The following PWWP3A variants were observed in gnomAD, a reference collection of about 807,000 sequenced individuals.
PWWP3A encodes the protein PWWP domain containing 3A, DNA repair factor.
A neutral mutation model predicts 79.0 loss-of-function variants in PWWP3A; 53 were observed. That is an observed-to-expected ratio of 0.67 (90% CI 0.54 to 0.84). PWWP3A has a LOEUF of 0.84. Ranked by LOEUF, PWWP3A falls within the 40% of genes least tolerant of loss-of-function variation. The pLI, the probability that PWWP3A is intolerant of heterozygous loss-of-function variation, is 0.00. For synonymous variants in PWWP3A, 443 were observed against 394.4 expected (o/e 1.12, Z -1.46); for missense variants, 973 against 948.0 (o/e 1.03, Z -0.35).
chr19:1,370,617 CCCA>C (rs2082232561), intron 11 of PWWP3A, 22 bp from the exon 12 acceptor site: 1 of 1,444,432 alleles, frequency 6.9e-7, no homozygotes, highest in African/African-American at 1.4e-5. Flanking sequence ...ACGCGCTGGT[CCCA>C]CGACAGGTGC....
Position 1,360,846 on chromosome 19 carries a change from C to A in PWWP3A, c.925C>A (p.Gln309Lys). The A allele has an allele frequency of 1.3e-6, 2 of 1,551,738 alleles. No individual in the cohort carries two copies. The highest frequency in any genetic ancestry group is 1.2e-5 in the South Asian group (1 of 84,436). ...AAAGAGGCCGCGCCTGGATGGCAGC[C>A]AAAGGCCGCCTGCCGTGCAGCTGGA... ...AKKRPRLDGS[Q>K]RPPAVQLEPM... The change falls in exon 5 of 14, where the codon CAA (glutamine) becomes AAA (lysine). Residue 309 changes from glutamine to lysine, a missense_variant. Transcript: ENST00000591337. This position sits in a 1 kb window ranked among gnomAD's most constrained non-coding sequence, Gnocchi z 4.4.
At chr19:1,371,557 G>A (rs944375091) in intron 12 of PWWP3A, 3 of 608,434 alleles carry the variant, frequency 4.9e-6, no homozygotes, top group Non-Finnish European at 8.8e-6. Context: ...CTGTGATTTC[G>A]AACTTCAGCT....
chr19:1,364,219 T>A (rs1165920219), intron 6 of PWWP3A: 9 of 588,974 alleles, frequency 1.5e-5, no homozygotes, highest in Non-Finnish European at 2.9e-5. Context: ...CAGCCGCCCC[T>A]CGTGGCACCC....
At chr19:1,362,577 G>GC (rs1178848066) in intron 6 of PWWP3A, among the ~76,000 whole-genome samples, 2 of 152,162 alleles carry the variant, frequency 1.3e-5, no homozygotes, top group African/African-American at 4.8e-5. Flanking sequence ...GGAAGAGACG[G>GC]CCCAGCCCTC....
At chr19:1,373,613 T>G (rs571531936) in intron 13 of PWWP3A, 1 of 162,274 alleles carries the variant, frequency 6.2e-6, no homozygotes, top group Non-Finnish European at 1.3e-5. Context: ...CCTTGGATGT[T>G]TGGCCCCCAG....
chr19:1,367,018 G>A, intron 8 of PWWP3A, 142 bp from the exon 9 acceptor site: 3 of 648,668 alleles, frequency 4.6e-6, no homozygotes, highest in Non-Finnish European at 8.1e-6. Flanking sequence ...TGGCAGCTGG[G>A]GAAACGGTCA....
chr19:1,358,433 G>T lies in PWWP3A; in HGVS notation c.183G>T (p.Lys61Asn). The T allele has an allele frequency of 1.2e-6, 2 of 1,614,110 alleles. No individual in the cohort carries two copies. Among genetic ancestry groups the T allele is most frequent in the Admixed American group, 1.7e-5 (1 of 60,000 alleles). The change falls in exon 4 of 14, where the codon AAG (lysine) becomes AAT (asparagine). Residue 61 changes from lysine (K) to asparagine (N), a missense_variant. Coordinates refer to ENST00000591337, the MANE Select transcript of PWWP3A (RefSeq NM_001369789.1). Reference protein sequence around the residue: ...VKSTEVEILEKSQIEAIASSL... With the variant: ...VKSTEVEILENSQIEAIASSL... ...GCACTGAAGTTGAGATCCTAGAGAA[G>T]TCTCAAATTGAAGCCATTGCTTCCT...
Position 1,360,937 on chromosome 19 carries a change from C to G in PWWP3A, c.1016C>G (p.Pro339Arg), listed in dbSNP as rs1017482829. 2 of 1,513,128 alleles carry G rather than the reference C, an allele frequency of 1.3e-6. No individual in the cohort carries two copies. The highest frequency in any genetic ancestry group is 2.8e-5 in the African/African-American group (2 of 71,334). The allele number at this position is 1,513,128 out of a possible 1,614,324, so 93.7% of individuals were successfully genotyped here. A position where few individuals can be genotyped will look rare whatever the true frequency, so the allele number is the denominator to read the frequency against. ...PGPGPRESVT[P>R]RSTARLGPPP... ...CCAGGGCCCAGAGAGTCTGTGACCC[C>G]GCGCAGCACCGCCAGGCTGGGCCCG... is the stretch of plus-strand genomic sequence containing the variant. Residue 339 changes from proline (P) to arginine (R), a missense_variant, in exon 5 of 14, where the codon CCG (proline) becomes CGG (arginine). Transcript: ENST00000591337. This position sits in a 1 kb window ranked among gnomAD's most constrained non-coding sequence, Gnocchi z 4.4.
intron 6 of PWWP3A, among the ~76,000 whole-genome samples, chr19:1,362,742 TG>T (rs978404990): frequency 1.3e-5 from 2 of 152,206 alleles, no homozygotes; most frequent in Non-Finnish European, 1.5e-5. Flanking sequence ...TGATGGCGTT[TG>T]GGGGGCTGTC....
intron 12 of PWWP3A, chr19:1,372,805 C>A: frequency 2.5e-6 from 1 of 392,670 alleles, no homozygotes; most frequent in Middle Eastern, 6.8e-4. Context: ...GAGAAATGCT[C>A]TTGTGGGTTT....
At chr19:1,375,351 T>C (rs1453100808) in intron 13 of PWWP3A, among the ~76,000 whole-genome samples, 2 of 147,264 alleles carry the variant, frequency 1.4e-5, no homozygotes, top group Non-Finnish European at 3.0e-5. Flanking sequence ...CCGAACTTCA[T>C]CTTTCCAAAC....
At position 1,377,766 on chromosome 19, in the gene PWWP3A, A is replaced by ACTGG. The variant is rs1314505958; in HGVS notation, c.*1195_*1198dup. The ACTGG allele has an allele frequency of 6.6e-6, 1 of 152,236 alleles. No homozygotes were observed. Among genetic ancestry groups the ACTGG allele is most frequent in the Non-Finnish European group, 1.5e-5 (1 of 68,160 alleles). 9.4% of individuals were successfully genotyped at this position (152,236 alleles called of 1,614,324 possible). The stretch of plus-strand genomic sequence containing the variant: ...GTGGCCTGGGAGCTGCTTTCTCCCC[A>ACTGG]CTGGCTGGGCTGCATCTGGCCCTGG... On this transcript the variant is annotated 3_prime_UTR_variant, in exon 14 of 14. Coordinates refer to ENST00000591337, the MANE Select transcript of PWWP3A (RefSeq NM_001369789.1).
At chr19:1,372,206 T>A (rs960896018) in intron 12 of PWWP3A, 1 of 152,342 alleles carries the variant, frequency 6.6e-6, no homozygotes, top group Non-Finnish European at 1.5e-5. Context: ...CATCTGTGCT[T>A]GTCACAGCTA....
At chr19:1,358,562 G>C (rs565009229) in intron 4 of PWWP3A, 98 bp downstream of exon 4, 24 of 1,602,360 alleles carry the variant, frequency 1.5e-5, no homozygotes, top group Middle Eastern at 3.3e-4. Context: ...AATTCACCCT[G>C]TTCACCATGT....
chr19:1,366,468 G>C, intron 8 of PWWP3A, 87 bp downstream of exon 8: 1 of 1,257,774 alleles, frequency 8.0e-7, no homozygotes, highest in Non-Finnish European at 1.2e-6. Flanking sequence ...GGGATGGAGG[G>C]ACAGAGGGGA....
intron 13 of PWWP3A, among the ~76,000 whole-genome samples, chr19:1,376,120 CTCT>C (rs2082386429): frequency 7.7e-6 from 1 of 130,710 alleles, no homozygotes. Context: ...CTCTGTCATA[CTCT>C]TTTTTTTTTT....
At position 1,373,403 on chromosome 19, in the gene PWWP3A, C is replaced by T. The variant is rs2082303105; in HGVS notation, c.2075+243C>T. The T allele has an allele frequency of 4.1e-5, 23 of 554,866 alleles. No homozygotes were observed. In the South Asian group the frequency reaches 4.6e-4, roughly 11 times the overall value. 34.4% of individuals were successfully genotyped at this position (554,866 alleles called of 1,614,324 possible). A position where few individuals can be genotyped will look rare whatever the true frequency, so the allele number is the denominator to read the frequency against. ...TGTGGGCAGCACGGGGCCACGGGCA[C>T]GTGCCTGGGCCGTGTCTGTTCTTAA... is the stretch of plus-strand genomic sequence containing the variant. On this transcript the variant is annotated intron_variant, in intron 13 of 13. Coordinates refer to ENST00000591337, the MANE Select transcript of PWWP3A (RefSeq NM_001369789.1).
rs758529535 is a variant in PWWP3A at position 1,366,321 on chromosome 19, A to G, written c.1301A>G (p.Gln434Arg). The stretch of plus-strand genomic sequence containing the variant: ...TGTGAACAGGTCAAAAGCGTCAGGC[A>G]GAGAGATAAGAAAGCAAGTGTGCTA... ...FWPAVVKSVR[Q>R]RDKKASVLYI... The change falls in exon 8 of 14, where the codon CAG (glutamine) becomes CGG (arginine). Residue 434 changes from glutamine (Q) to arginine (R), a missense_variant. Coordinates refer to ENST00000591337, the MANE Select transcript of PWWP3A (RefSeq NM_001369789.1). 3 of 1,614,240 alleles carry G rather than the reference A, an allele frequency of 1.9e-6. No individual in the cohort carries two copies. The highest frequency in any genetic ancestry group is 1.7e-6 in the Non-Finnish European group (2 of 1,180,012).
rs1360361783 is a variant in PWWP3A, at chr19:1,371,071, TGCCCGAGGTGAGCCGC to T, written c.1981_1986+10del. ...ATCCGGTTCATTCTGGACGTGCTTC[TGCCCGAGGTGAGCCGC>T]GGACCGGCGTGTCACGTGGGCAGGG... On this transcript the variant is annotated splice_donor_variant and splice_donor_5th_base_variant and coding_sequence_variant and intron_variant, in exon 12 of 14. Transcript: ENST00000591337. LOFTEE classifies it high-confidence loss of function. The T allele has an allele frequency of 6.4e-7, 1 of 1,561,920 alleles. No individual in the cohort carries two copies. The highest frequency in any genetic ancestry group is 8.7e-7 in the Non-Finnish European group (1 of 1,152,642).
Sources: gnomAD v4.1 joint callset for allele counts (sites outside exome capture counted in the v4.1 genomes callset) on GRCh38, gnomAD v4.1.1 for gene constraint, Gnocchi (gnomAD v3.1) non-coding constraint, MANE v1.5 for transcripts, NCBI Gene and HGNC (gene_info 2026-07-23, HGNC 2026-07-21) for gene names.